PLCG2: variants seen among roughly 807,000 people sequenced by gnomAD.
The protein encoded by PLCG2 is phospholipase C gamma 2, also known as 1-phosphatidylinositol 4,5-bisphosphate phosphodiesterase gamma-2.
PLCG2 carries 69 observed loss-of-function variants against 175.6 expected under a neutral mutation model. That is an observed-to-expected ratio of 0.39 (90% CI 0.32 to 0.48). The LOEUF is 0.48. Among genes scored for constraint, PLCG2 ranks in the 20% least tolerant of loss-of-function variants. The pLI is 0.91. For synonymous variants in PLCG2, 827 were observed against 624.0 expected (o/e 1.33, Z -4.85); for missense variants, 1,798 against 1,650.9 (o/e 1.09, Z -1.54).
intron 7 of PLCG2, 113 bp downstream of exon 7, chr16:81,871,048 A>T: frequency 1.7e-6 from 1 of 576,326 alleles, no homozygotes; most frequent in South Asian, 2.3e-5. Context: ...ATTTTAGTCA[A>T]GGAAACATAA....
At position 81,759,335 on chromosome 16, in the gene PLCG2, A is replaced by G. The variant is rs150811985; in HGVS notation, c.-48+3369A>G. 9.3e-3 allele frequency among the ~76,000 whole-genome samples: 1,416 copies of G among 152,358 alleles called. 11 individuals are homozygous for G. Among genetic ancestry groups the G allele is most frequent in the Non-Finnish European group, 0.016 (1,075 of 68,038 alleles). Reference sequence around the variant, plus strand: ...ATTTGAAAAAGCCAAAAATGTATAAAGAGATGGAAAAAGAACCTCCCACAG... The same window carrying G: ...ATTTGAAAAAGCCAAAAATGTATAAGGAGATGGAAAAAGAACCTCCCACAG... On this transcript the variant is annotated intron_variant, in intron 2 of 5. Coordinates refer to the PLCG2 transcript ENST00000565054.
At chr16:81,797,151 A>G (rs1911506537) in intron 2 of PLCG2, among the ~76,000 whole-genome samples, 1 of 152,186 alleles carries the variant, frequency 6.6e-6, no homozygotes, top group African/African-American at 2.4e-5. Context: ...GTCCCTCAAA[A>G]TAGCACCAAG....
chr16:81,740,247 C>A (rs1219977049), intron 1 of PLCG2: 1 of 151,952 alleles, frequency 6.6e-6, no homozygotes, highest in Non-Finnish European at 1.5e-5. Context: ...GTGACATTTA[C>A]TGTCTTCCTT....
chr16:81,921,564 C>G (rs1343576042), intron 21 of PLCG2: 1 of 422,740 alleles, frequency 2.4e-6, no homozygotes, highest in Non-Finnish European at 4.4e-6. Context: ...ATGTTTTTGG[C>G]TCGCTGACAG....
chr16:81,829,753 A>G (rs1243496549), intron 2 of PLCG2, among the ~76,000 whole-genome samples: 1 of 152,184 alleles, frequency 6.6e-6, no homozygotes, highest in Non-Finnish European at 1.5e-5. Flanking sequence ...CATTGGTGAC[A>G]AGAGCCATTT....
chr16:81,784,532 T>C (rs553932622), intron 1 of PLCG2, among the ~76,000 whole-genome samples: 2 of 152,298 alleles, frequency 1.3e-5, no homozygotes, highest in South Asian at 4.1e-4. Context: ...GGAGGGTCTC[T>C]CTAGTGCTAC....
chr16:81,908,555 G>T lies in PLCG2; in HGVS notation c.1697G>T (p.Ser566Ile). ...GKDGTFLVRE[S>I]ETFPNDYTLS... ...GATGGCACCTTCCTGGTTCGGGAGA[G>T]CGAGACCTTCCCCAATGACTACACC... The change falls in exon 17 of 33, where the codon AGC becomes ATC. Residue 566 changes from serine (S) to isoleucine (I), a missense_variant. Transcript: ENST00000564138. 1 of 1,612,776 alleles carries T rather than the reference G, an allele frequency of 6.2e-7. No individual in the cohort carries two copies. Among genetic ancestry groups the T allele is most frequent in the Non-Finnish European group, 8.5e-7 (1 of 1,179,862 alleles).
chr16:81,792,146 C>G (rs1443207703), intron 2 of PLCG2, among the ~76,000 whole-genome samples: 1 of 152,164 alleles, frequency 6.6e-6, no homozygotes, highest in African/African-American at 2.4e-5. Context: ...ATGCAAATCC[C>G]TGCTCTGCCA....
chr16:81,927,257 T>C (rs1910314583), intron 23 of PLCG2, 79 bp downstream of exon 23: 1 of 942,346 alleles, frequency 1.1e-6, no homozygotes, highest in African/African-American at 1.6e-5. Flanking sequence ...GCCATCTCAG[T>C]GGGTGAATTT....
chr16:81,827,108 G>C (rs1261122362), intron 2 of PLCG2, among the ~76,000 whole-genome samples: 1 of 152,038 alleles, frequency 6.6e-6, no homozygotes, highest in Non-Finnish European at 1.5e-5. Context: ...ACCTTGCGCT[G>C]AAATAAGACT....
intron 10 of PLCG2, among the ~76,000 whole-genome samples, chr16:81,890,587 A>G (rs1908584540): frequency 1.3e-5 from 2 of 152,340 alleles, no homozygotes; most frequent in Admixed American, 6.5e-5. Context: ...TTGCAAGCAC[A>G]GAAACAGAAT....
intron 1 of PLCG2, 47 bp from the exon 2 acceptor site, chr16:81,785,896 C>T (rs1214287712): frequency 8.5e-7 from 1 of 1,171,154 alleles, no homozygotes; most frequent in Non-Finnish European, 1.2e-6. Flanking sequence ...TTAACTAAAC[C>T]CCTTTCAGTA....
intron 2 of PLCG2, chr16:81,767,110 C>T (rs1359317045): frequency 1.3e-5 from 2 of 151,510 alleles, no homozygotes; most frequent in South Asian, 2.1e-4. Flanking sequence ...TGCTCCTCTC[C>T]ACCCCATTCA....
chr16:81,836,007 A>G (rs1905495612), intron 2 of PLCG2, among the ~76,000 whole-genome samples: 1 of 152,196 alleles, frequency 6.6e-6, no homozygotes, highest in Admixed American at 6.5e-5. Context: ...CTATTTCCAA[A>G]GAAGGCCACA....
chr16:81,943,254 G>A (rs1047732763), intron 30 of PLCG2, among the ~76,000 whole-genome samples: 2 of 152,186 alleles, frequency 1.3e-5, no homozygotes, highest in Non-Finnish European at 2.9e-5. Context: ...AAAGAGGTTT[G>A]ATTGGCTCAC....
At chr16:81,752,808 C>T (rs1909839361) in intron 1 of PLCG2, among the ~76,000 whole-genome samples, 1 of 152,224 alleles carries the variant, frequency 6.6e-6, no homozygotes, top group Admixed American at 6.5e-5. Flanking sequence ...CACTGGGCAC[C>T]TCCCCGGTGA....
chr16:81,843,525 C>T (rs1377933779), intron 2 of PLCG2, among the ~76,000 whole-genome samples: 1 of 152,172 alleles, frequency 6.6e-6, no homozygotes, highest in East Asian at 1.9e-4. Context: ...ACTTAACAAC[C>T]TTAAGTACCT....
At chr16:81,943,057 TGTCAGATA>T (rs1437540570) in intron 30 of PLCG2, among the ~76,000 whole-genome samples, 1 of 152,170 alleles carries the variant, frequency 6.6e-6, no homozygotes, top group Non-Finnish European at 1.5e-5. Flanking sequence ...ACACGCCTAG[TGTCAGATA>T]GTACTGTCCA....
intron 2 of PLCG2, among the ~76,000 whole-genome samples, chr16:81,848,006 C>T (rs1430311110): frequency 6.6e-6 from 1 of 152,078 alleles, no homozygotes; most frequent in Admixed American, 6.5e-5. Flanking sequence ...AAAGTGATTC[C>T]AAAGGTTATA....
Sources: gnomAD v4.1 joint callset for allele counts (sites outside exome capture counted in the v4.1 genomes callset) on GRCh38, gnomAD v4.1.1 for gene constraint, MANE v1.5 for transcripts, NCBI Gene and HGNC (gene_info 2026-07-23, HGNC 2026-07-21) for gene names.